LHFPL3: variants seen among roughly 807,000 people sequenced by gnomAD.
LHFPL3 encodes LHFPL tetraspan subfamily member 3.
In LHFPL3, 5 loss-of-function variants were observed where a neutral mutation model predicts 19.3. That is an observed-to-expected ratio of 0.26 (90% confidence interval 0.14 to 0.54). LHFPL3 has a LOEUF of 0.54. Among genes scored for constraint, LHFPL3 ranks in the 20% least tolerant of loss-of-function variants. The pLI is 0.94. For synonymous variants in LHFPL3, 133 were observed against 126.2 expected (o/e 1.05, Z -0.36); for missense variants, 249 against 307.4 (o/e 0.81, Z 1.42).
chr7:104,494,675 C>T (rs1793423028), intron 1 of LHFPL3, among the ~76,000 whole-genome samples: 1 of 152,174 alleles, frequency 6.6e-6, no homozygotes, highest in African/African-American at 2.4e-5. Context: ...ACCTCTCTCC[C>T]ACCAGACCTG....
intron 2 of LHFPL3, chr7:104,744,318 A>T (rs1195184746): frequency 2.6e-5 from 4 of 152,128 alleles, no homozygotes; most frequent in Non-Finnish European, 5.9e-5. Flanking sequence ...CTTTATAAAA[A>T]CCTTACTGAA....
At chr7:104,682,057 A>C (rs1223583756) in intron 1 of LHFPL3, among the ~76,000 whole-genome samples, 1 of 152,262 alleles carries the variant, frequency 6.6e-6, no homozygotes, top group East Asian at 1.9e-4. Flanking sequence ...CTTACAAAAA[A>C]AGCCTTGAAA....
At chr7:104,455,015 C>T (rs992583954) in intron 1 of LHFPL3, among the ~76,000 whole-genome samples, 1 of 152,116 alleles carries the variant, frequency 6.6e-6, no homozygotes, top group East Asian at 1.9e-4. Flanking sequence ...ATCAATGAGC[C>T]GGCCTCCTTA....
chr7:104,778,417 C>G (rs1794666151), intron 2 of LHFPL3, among the ~76,000 whole-genome samples: 2 of 152,156 alleles, frequency 1.3e-5, no homozygotes, highest in Non-Finnish European at 2.9e-5. Flanking sequence ...AACACACCAG[C>G]CACAGATTTG....
At position 104,395,575 on chromosome 7, in the gene LHFPL3, C is replaced by T. The variant is rs1791166575; in HGVS notation, c.445+66351C>T. On this transcript the variant is annotated intron_variant, in intron 1 of 2. Coordinates refer to ENST00000424859, the MANE Select transcript of LHFPL3 (RefSeq NM_199000.3). ...TGTATTTGGTTATCAGAAGGACCCA[C>T]TGACTGACAGGAGAAGCAGGAGTTA... Among the ~76,000 whole-genome samples the T allele has an allele frequency of 2.0e-5, 3 of 152,192 alleles. No individual in the cohort carries two copies. The South Asian group carries it at 6.2e-4, about 32-fold the overall frequency.
At chr7:104,653,119 C>T (rs866730884) in intron 1 of LHFPL3, among the ~76,000 whole-genome samples, 2 of 152,122 alleles carry the variant, frequency 1.3e-5, no homozygotes, top group Admixed American at 6.5e-5. Context: ...AGGGACATGG[C>T]CTTGAGCTAT....
intron 1 of LHFPL3, among the ~76,000 whole-genome samples, chr7:104,696,268 T>A (rs1400869973): frequency 6.6e-6 from 1 of 152,216 alleles, no homozygotes; most frequent in Non-Finnish European, 1.5e-5. Context: ...GAGTTTTAAA[T>A]CTTTCATTTG....
chr7:104,813,306 G>A (rs1251760322), intron 2 of LHFPL3, among the ~76,000 whole-genome samples: 1 of 152,042 alleles, frequency 6.6e-6, no homozygotes, highest in Non-Finnish European at 1.5e-5. Context: ...AATACGTACA[G>A]TATTACTCTA....
chr7:104,784,528 T>C (rs538853545), intron 2 of LHFPL3, among the ~76,000 whole-genome samples: 4 of 152,302 alleles, frequency 2.6e-5, no homozygotes, highest in South Asian at 2.1e-4. Context: ...AAGTAGACTA[T>C]GAAAAACAGC....
chr7:104,369,193 C>G (rs2116426706), intron 1 of LHFPL3, among the ~76,000 whole-genome samples: 1 of 152,290 alleles, frequency 6.6e-6, no homozygotes, highest in African/African-American at 2.4e-5. Flanking sequence ...CCAAAATTCT[C>G]TTGAGTCTGT....
chr7:104,372,997 C>CAAA (rs58010609), intron 1 of LHFPL3, among the ~76,000 whole-genome samples: 1 of 126,434 alleles, frequency 7.9e-6, no homozygotes, highest in African/African-American at 3.0e-5. Flanking sequence ...AGCTTCTTTA[C>CAAA]AAAAAAAAAA....
chr7:104,524,363 C>T (rs1035037239), intron 1 of LHFPL3, among the ~76,000 whole-genome samples: 6 of 152,106 alleles, frequency 3.9e-5, no homozygotes, highest in African/African-American at 1.2e-4. Context: ...ATCTTGACCT[C>T]GAGAAGCTGA....
chr7:104,630,053 A>T (rs908400569), intron 1 of LHFPL3, among the ~76,000 whole-genome samples: 3 of 152,218 alleles, frequency 2.0e-5, no homozygotes, highest in Non-Finnish European at 4.4e-5. Context: ...GCCTCTGATA[A>T]GCATAGTACC....
intron 1 of LHFPL3, among the ~76,000 whole-genome samples, chr7:104,550,462 G>T (rs1040005922): frequency 2.6e-5 from 4 of 152,134 alleles, no homozygotes; most frequent in African/African-American, 9.7e-5. Flanking sequence ...AGGACACTCT[G>T]TCCAAAGGCA....
chr7:104,855,812 G>C (rs1297935317), intron 2 of LHFPL3, among the ~76,000 whole-genome samples: 2 of 152,010 alleles, frequency 1.3e-5, no homozygotes, highest in Non-Finnish European at 2.9e-5. Flanking sequence ...GTTTTACCTT[G>C]TTGCCCAGGC....
chr7:104,742,350 G>A (rs1346199403), intron 2 of LHFPL3, among the ~76,000 whole-genome samples: 2 of 152,132 alleles, frequency 1.3e-5, no homozygotes, highest in Non-Finnish European at 2.9e-5. Context: ...AACTACAAAT[G>A]AGAATACATG....
At chr7:104,838,728 T>C (rs897135401) in intron 2 of LHFPL3, among the ~76,000 whole-genome samples, 2 of 152,226 alleles carry the variant, frequency 1.3e-5, no homozygotes, top group Non-Finnish European at 2.9e-5. Flanking sequence ...TTTTGAGTGC[T>C]TGAAATGTGT....
At chr7:104,387,992 T>C (rs1163219589) in intron 1 of LHFPL3, among the ~76,000 whole-genome samples, 2 of 152,166 alleles carry the variant, frequency 1.3e-5, no homozygotes, top group African/African-American at 4.8e-5. Context: ...CTTCTTTGTG[T>C]CCATATGTAC....
Position 104,358,824 on chromosome 7 carries a change from C to T in LHFPL3, c.445+29600C>T, listed in dbSNP as rs186234541. 3.2e-4 allele frequency among the ~76,000 whole-genome samples: 49 copies of T among 152,332 alleles called. 1 individual carries two copies. The highest frequency in any genetic ancestry group is 5.2e-4 in the Admixed American group (8 of 15,300). ...TTCTTCTCGATAAATTCTTTTCAGG[C>T]TGGATCTTTATTGAGAGCTGTGATT... On this transcript the variant is annotated intron_variant, in intron 1 of 2. Transcript: ENST00000424859.
Sources: gnomAD v4.1 joint callset for allele counts (sites outside exome capture counted in the v4.1 genomes callset) on GRCh38, gnomAD v4.1.1 for gene constraint, MANE v1.5 for transcripts, NCBI Gene and HGNC (gene_info 2026-07-23, HGNC 2026-07-21) for gene names.